Variants in C6orf132 observed in about 807,000 individuals in gnomAD.
The protein encoded by C6orf132 is chromosome 6 open reading frame 132, also known as uncharacterized protein C6orf132.
In C6orf132, 43 loss-of-function variants were observed where a neutral mutation model predicts 65.3. That is an observed-to-expected ratio of 0.66 (90% confidence interval 0.52 to 0.85). The LOEUF (loss-of-function observed/expected upper bound fraction) is 0.85. Among genes scored for constraint, C6orf132 ranks in the 40% least tolerant of loss-of-function variants. The pLI is 0.00. For missense variants in C6orf132, 1,488 were observed against 1,548.8 expected, an observed-to-expected ratio of 0.96 and a Z score of 0.66; for synonymous variants, 631 against 654.1, an observed-to-expected ratio of 0.96 and a Z score of 0.54.
rs551667783 is a variant in C6orf132, at chr6:42,109,935, C to G, written c.328+281G>C. 2.0e-5 allele frequency among the ~76,000 whole-genome samples: 3 copies of G among 152,300 alleles called. No homozygotes were observed. In the East Asian group the frequency reaches 5.8e-4, roughly 29 times the overall value. ...TGGGATTCAAAGCCAGGCCCTTCTT[C>G]CACTTTATGCTGCACTTGTTCCTGC... On this transcript the variant is annotated intron_variant, in intron 3 of 4. Transcript: ENST00000341865.
At chr6:42,128,202 G>T (rs1387988634) in intron 2 of C6orf132, among the ~76,000 whole-genome samples, 2 of 151,892 alleles carry the variant, frequency 1.3e-5, no homozygotes, top group Non-Finnish European at 2.9e-5. Context: ...TGGGATTACA[G>T]GCGTGAGCCA....
At chr6:42,127,993 T>G (rs1766791623) in intron 2 of C6orf132, among the ~76,000 whole-genome samples, 1 of 151,732 alleles carries the variant, frequency 6.6e-6, no homozygotes, top group African/African-American at 2.4e-5. Context: ...GGCGCCATCT[T>G]GGTTCACTGC....
intron 1 of C6orf132, among the ~76,000 whole-genome samples, chr6:42,138,646 G>GTT (rs1263565452): frequency 6.6e-6 from 1 of 152,134 alleles, no homozygotes; most frequent in African/African-American, 2.4e-5. Context: ...TAGAGGAACG[G>GTT]GGTAGGAAAG....
rs1157850288 is a variant in C6orf132 at position 42,142,510 on chromosome 6, T to A, written c.-66A>T. 6.7e-7 allele frequency: 1 copy of A among 1,493,854 alleles called. No homozygotes were observed. Among genetic ancestry groups the A allele is most frequent in the Middle Eastern group, 2.3e-4 (1 of 4,294 alleles). The allele number at this position is 1,493,854 out of a possible 1,614,324, so 92.5% of individuals were successfully genotyped here. On this transcript the variant is annotated 5_prime_UTR_variant, in exon 1 of 5. Coordinates refer to ENST00000341865, the MANE Select transcript of C6orf132 (RefSeq NM_001164446.3). Reference sequence around the variant, plus strand: ...TCCCTCGCCCTGCCCTGCCCCGGACTGAACTCAGCACGGTCTCCCCAGGGG... The same window carrying A: ...TCCCTCGCCCTGCCCTGCCCCGGACAGAACTCAGCACGGTCTCCCCAGGGG...
chr6:42,104,509 T>TGTGCTTGGCCTCCGCGGCGCCCC lies in C6orf132; in HGVS notation c.3380_3402dup (p.Lys1135GlyfsTer41), dbSNP rs1184337640. The TGTGCTTGGCCTCCGCGGCGCCCC allele has an allele frequency of 8.1e-7, 1 of 1,232,660 alleles. No individual in the cohort carries two copies. Among genetic ancestry groups the TGTGCTTGGCCTCCGCGGCGCCCC allele is most frequent in the African/African-American group, 1.6e-5 (1 of 64,314 alleles). The allele number at this position is 1,232,660 out of a possible 1,614,324, so 76.4% of individuals were successfully genotyped here. The stretch of plus-strand genomic sequence containing the variant: ...CCGTAGTCGGCGCTGCCGGGCGCTT[T>TGTGCTTGGCCTCCGCGGCGCCCC]GTGCTTGGCCTCCGCGGCGCCCCGG... On this transcript the variant is annotated frameshift_variant, in exon 4 of 5. Transcript: ENST00000341865. LOFTEE classifies it high-confidence loss of function. This position sits in a 1 kb window ranked among gnomAD's most constrained non-coding sequence, Gnocchi z 4.1.
In C6orf132 at chr6:42,105,188, C is replaced by CAGCGGGG; in HGVS notation, c.2717_2723dup (p.Thr909ProfsTer9). On this transcript the variant is annotated frameshift_variant, in exon 4 of 5. Transcript: ENST00000341865. LOFTEE classifies it high-confidence loss of function. The stretch of plus-strand genomic sequence containing the variant: ...CCCACTTATTGGGTATTTCGGTCGT[C>CAGCGGGG]AGCGGGGAGTCCTTCTCAGCCTCCT... 6.5e-7 allele frequency: 1 copy of CAGCGGGG among 1,537,182 alleles called. No homozygotes were observed. The highest frequency in any genetic ancestry group is 8.7e-7 in the Non-Finnish European group (1 of 1,146,888).
At chr6:42,115,503 C>T (rs1043401691) in intron 2 of C6orf132, among the ~76,000 whole-genome samples, 5 of 141,302 alleles carry the variant, frequency 3.5e-5, no homozygotes, top group Middle Eastern at 4.2e-3. Context: ...AATATTAGCC[C>T]GGCATGGTGG....
intron 1 of C6orf132, among the ~76,000 whole-genome samples, chr6:42,131,157 A>T (rs1289204774): frequency 6.6e-6 from 1 of 152,152 alleles, no homozygotes; most frequent in Non-Finnish European, 1.5e-5. Context: ...AAGTGCTGGG[A>T]TTACAGGTGT....
rs1188128399 is a variant in C6orf132, at chr6:42,124,950, C to T, written c.252+3722G>A. ...GTCCCTGTGATGTGGGCCACTGGGC[C>T]AAGGGTTCCTAATCTAAAGGCATAT... On this transcript the variant is annotated intron_variant, in intron 2 of 4. Transcript: ENST00000341865. This position sits in a 1 kb window ranked among gnomAD's most constrained non-coding sequence, Gnocchi z 4.0. 6.6e-6 allele frequency among the ~76,000 whole-genome samples: 1 copy of T among 152,194 alleles called. No individual in the cohort carries two copies. Among genetic ancestry groups the T allele is most frequent in the Admixed American group, 6.5e-5 (1 of 15,278 alleles).
At position 42,105,655 on chromosome 6, in the gene C6orf132, C is replaced by T. The variant is rs1028774845; in HGVS notation, c.2257G>A (p.Ala753Thr). The change falls in exon 4 of 5, where the codon GCC (alanine) becomes ACC (threonine). Residue 753 changes from alanine to threonine, a missense_variant. Transcript: ENST00000341865. ...LPTQGARSSAAFPPKTSPGGG... is the reference protein window; with the variant it reads ...LPTQGARSSATFPPKTSPGGG... Reference sequence around the variant, plus strand: ...CCAGGAGATGTCTTTGGTGGGAAGGCTGCAGATGAGCGGGCTCCCTGTGTG... The same window carrying T: ...CCAGGAGATGTCTTTGGTGGGAAGGTTGCAGATGAGCGGGCTCCCTGTGTG... 7.2e-6 allele frequency: 11 copies of T among 1,537,114 alleles called. No homozygotes were observed. In the African/African-American group the frequency reaches 1.2e-4, roughly 17 times the overall value.
rs1766326642 is a variant in C6orf132, at chr6:42,103,357, G to C, written c.*404C>G. 5.0e-6 allele frequency: 2 copies of C among 397,200 alleles called. No individual in the cohort carries two copies. Among genetic ancestry groups the C allele is most frequent in the African/African-American group, 4.1e-5 (2 of 48,610 alleles). The allele number at this position is 397,200 out of a possible 1,614,324, so 24.6% of individuals were successfully genotyped here. ...CCTGACAGGCAATCACAGCTATCTC[G>C]ATGGGTTCCAGTTCAGTCAGTGCCC... On this transcript the variant is annotated 3_prime_UTR_variant, in exon 5 of 5. Coordinates refer to ENST00000341865, the MANE Select transcript of C6orf132 (RefSeq NM_001164446.3).
At chr6:42,108,576 GA>G (rs915395211) in intron 3 of C6orf132, among the ~76,000 whole-genome samples, 21 of 152,176 alleles carry the variant, frequency 1.4e-4, no homozygotes, top group African/African-American at 5.1e-4. Flanking sequence ...TAAAGACCCT[GA>G]AACTATTAAG....
At position 42,104,742 on chromosome 6, in the gene C6orf132, C is replaced by A. The variant is rs1331915584; in HGVS notation, c.3170G>T (p.Gly1057Val). Residue 1057 changes from glycine to valine, a missense_variant, in exon 4 of 5, where the codon GGG (glycine) becomes GTG (valine). Coordinates refer to ENST00000341865, the MANE Select transcript of C6orf132 (RefSeq NM_001164446.3). The surrounding 1 kb of genome is among the most constrained non-coding windows in gnomAD (Gnocchi z 4.1). ...GCGCTTCTTTATGAGCGAGCGGCCC[C>A]CTCCCGAGAAGCGCTCCAGGCCCCC... ...GAGGLERFSGGGRSLIKKRLY... is the reference protein window; with the variant it reads ...GAGGLERFSGVGRSLIKKRLY... 2 of 1,527,028 alleles carry A rather than the reference C, an allele frequency of 1.3e-6. No homozygotes were observed. The highest frequency in any genetic ancestry group is 2.8e-5 in the African/African-American group (2 of 72,474). The allele number at this position is 1,527,028 out of a possible 1,614,324, so 94.6% of individuals were successfully genotyped here.
At position 42,107,054 on chromosome 6, in the gene C6orf132, G is replaced by C; in HGVS notation, c.858C>G (p.Ser286Arg). 1 of 1,503,450 alleles carries C rather than the reference G, an allele frequency of 6.7e-7. No homozygotes were observed. The highest frequency in any genetic ancestry group is 8.9e-7 in the Non-Finnish European group (1 of 1,127,872). The allele number at this position is 1,503,450 out of a possible 1,614,324, so 93.1% of individuals were successfully genotyped here. A position where few individuals can be genotyped will look rare whatever the true frequency, so the allele number is the denominator to read the frequency against. Reference protein sequence around the residue: ...PPRSPAEPKGSALGPNPEPHL... With the variant: ...PPRSPAEPKGRALGPNPEPHL... ...GGGGCTCTGGGTTAGGTCCCAGGGCGCTCCCCTTTGGCTCAGCAGGGCTTC... is the reference window on the plus strand; with the variant it reads ...GGGGCTCTGGGTTAGGTCCCAGGGCCCTCCCCTTTGGCTCAGCAGGGCTTC... The change falls in exon 4 of 5, where the codon AGC (serine) becomes AGG (arginine). Residue 286 changes from serine to arginine, a missense_variant. Ser to Arg is a moderately radical substitution (Grantham distance 110). Transcript: ENST00000341865.
chr6:42,135,971 CT>C, intron 1 of C6orf132, among the ~76,000 whole-genome samples: 1 of 152,080 alleles, frequency 6.6e-6, no homozygotes, highest in South Asian at 2.1e-4. Flanking sequence ...TTCAGCGTCT[CT>C]CCCCTCCATC....
In C6orf132 at chr6:42,101,463, G is replaced by A. The variant is rs1394683929; in HGVS notation, c.*2298C>T. The A allele has an allele frequency of 6.6e-6, 1 of 152,138 alleles. No homozygotes were observed. The allele number at this position is 152,138 out of a possible 1,614,324, so 9.4% of individuals were successfully genotyped here. A position where few individuals can be genotyped will look rare whatever the true frequency, so the allele number is the denominator to read the frequency against. On this transcript the variant is annotated 3_prime_UTR_variant, in exon 5 of 5. Coordinates refer to ENST00000341865, the MANE Select transcript of C6orf132 (RefSeq NM_001164446.3). ...CAGGAGTCATGTGGGTGAGCTGATG[G>A]CAGTCTATCCATACTAAGCACAGTG...
chr6:42,105,143 G>A lies in C6orf132; in HGVS notation c.2769C>T (p.Asp923=). Residue 923 remains aspartate, a synonymous_variant, in exon 4 of 5, where the codon GAC becomes GAT. Transcript: ENST00000341865. ...PNKWGPRLGR[D]AEGTELSRRH... ...TGCGGCTCAGCTCTGTGCCCTCTGC[G>A]TCTCTTCCCAGCCGCGGCCCCCACT... The A allele has an allele frequency of 1.3e-6, 2 of 1,536,950 alleles. No individual in the cohort carries two copies. Among genetic ancestry groups the A allele is most frequent in the South Asian group, 1.2e-5 (1 of 84,052 alleles).
rs2127472691 is a variant in C6orf132 at position 42,104,534 on chromosome 6, G to C, written c.3378C>G (p.Ala1126=). ...TGTGCTTGGCCTCCGCGGCGCCCCG[G>C]GCGGCGCCCTCCAGGGACAGCCTCG... is the stretch of plus-strand genomic sequence containing the variant. ...HAPRLSLEGA[A]RGAAEAKHKA... The change falls in exon 4 of 5, where the codon GCC becomes GCG. Residue 1126 remains alanine, a synonymous_variant. Transcript: ENST00000341865. This position sits in a 1 kb window ranked among gnomAD's most constrained non-coding sequence, Gnocchi z 4.1. 8.1e-7 allele frequency: 1 copy of C among 1,235,316 alleles called. No individual in the cohort carries two copies. The highest frequency in any genetic ancestry group is 4.0e-5 in the South Asian group (1 of 25,278). The allele number at this position is 1,235,316 out of a possible 1,614,324, so 76.5% of individuals were successfully genotyped here. A position where few individuals can be genotyped will look rare whatever the true frequency, so the allele number is the denominator to read the frequency against.
Position 42,105,454 on chromosome 6 carries a change from T to C in C6orf132, c.2458A>G (p.Thr820Ala). Residue 820 changes from threonine (T) to alanine (A), a missense_variant, in exon 4 of 5, where the codon ACT becomes GCT. By Grantham distance (58) the Thr-to-Ala change is moderately conservative. Transcript: ENST00000341865. ...ACCGGGTGCCTGAGGAGTTCATCAG[T>C]GGGCTGGGCCGAGGCAGGAGGCTTG... ...PAKPPASAQP[T>A]DELLRHPVTG... The C allele has an allele frequency of 6.5e-7, 1 of 1,534,362 alleles. No homozygotes were observed. The highest frequency in any genetic ancestry group is 8.7e-7 in the Non-Finnish European group (1 of 1,145,540).
Sources: gnomAD v4.1 joint callset for allele counts (sites outside exome capture counted in the v4.1 genomes callset) on GRCh38, gnomAD v4.1.1 for gene constraint, Gnocchi (gnomAD v3.1) non-coding constraint, MANE v1.5 for transcripts, NCBI Gene and HGNC (gene_info 2026-07-23, HGNC 2026-07-21) for gene names.